BICDL1: variants seen among roughly 807,000 people sequenced by gnomAD.
BICDL1 encodes BICD family-like cargo adapter 1.
In BICDL1, 20 loss-of-function variants were observed where a neutral mutation model predicts 76.8. The observed-to-expected ratio is 0.26, with a 90% CI of 0.18 to 0.38. The LOEUF is 0.38. Ranked by LOEUF, BICDL1 falls within the 10% of genes least tolerant of loss-of-function variation. The pLI is 1.00. For synonymous variants in BICDL1, 383 were observed against 337.1 expected, an observed-to-expected ratio of 1.14 and a Z score of -1.49; for missense variants, 700 against 798.6, an observed-to-expected ratio of 0.88 and a Z score of 1.49.
intron 1 of BICDL1, 43 bp downstream of exon 1, chr12:119,990,340 C>G (rs1184330093): frequency 1.9e-6 from 3 of 1,542,868 alleles, no homozygotes; most frequent in Admixed American, 4.1e-5. Flanking sequence ...CAGGGGCCGC[C>G]CAGGCACGCG....
At chr12:119,991,445 G>A (rs1951521496) in intron 1 of BICDL1, among the ~76,000 whole-genome samples, 1 of 152,198 alleles carries the variant, frequency 6.6e-6, no homozygotes, top group South Asian at 2.1e-4. Context: ...ACCTGTGAGT[G>A]CCCTGTAGTT....
intron 8 of BICDL1, among the ~76,000 whole-genome samples, chr12:120,083,820 T>G (rs1874187874): frequency 6.6e-6 from 1 of 151,698 alleles, no homozygotes. Context: ...CATGCTTGGC[T>G]AATTTTTCTG....
At chr12:120,070,001 C>G (rs1490992622) in intron 4 of BICDL1, among the ~76,000 whole-genome samples, 1 of 152,148 alleles carries the variant, frequency 6.6e-6, no homozygotes. Context: ...TTTCATTGCT[C>G]TATAGTATTC....
intron 7 of BICDL1, among the ~76,000 whole-genome samples, chr12:120,076,512 A>G (rs1397180555): frequency 6.6e-6 from 1 of 152,178 alleles, no homozygotes; most frequent in Non-Finnish European, 1.5e-5. Context: ...AACATAAGCA[A>G]ATTGTAGGTT....
chr12:120,065,259 T>C (rs1443017819), intron 4 of BICDL1, among the ~76,000 whole-genome samples: 2 of 152,242 alleles, frequency 1.3e-5, no homozygotes, highest in African/African-American at 4.8e-5. Flanking sequence ...TAATGCTCTC[T>C]GCTGCTGTCT....
At chr12:120,092,248 A>G in intron 9 of BICDL1, 1 of 985,440 alleles carries the variant, frequency 1.0e-6, no homozygotes, top group Non-Finnish European at 1.2e-6. Flanking sequence ...GCTGTTCTGT[A>G]AAACATGGTG....
At chr12:120,041,083 T>C (rs1469855716) in intron 2 of BICDL1, among the ~76,000 whole-genome samples, 1 of 152,184 alleles carries the variant, frequency 6.6e-6, no homozygotes, top group Non-Finnish European at 1.5e-5. Context: ...CTTGCCATGA[T>C]TTTTTTCTGT....
intron 2 of BICDL1, among the ~76,000 whole-genome samples, chr12:119,999,254 C>G (rs867391467): frequency 2.2e-4 from 33 of 152,222 alleles, no homozygotes; most frequent in South Asian, 4.1e-4. Context: ...AAGCCACAGA[C>G]TTTGACAATC....
At chr12:120,049,369 A>G (rs1952810053) in intron 2 of BICDL1, among the ~76,000 whole-genome samples, 1 of 152,230 alleles carries the variant, frequency 6.6e-6, no homozygotes, top group Non-Finnish European at 1.5e-5. Flanking sequence ...GGAAGTACTA[A>G]AAGATTTCAG....
At chr12:120,077,439 G>T (rs1048404973) in intron 7 of BICDL1, among the ~76,000 whole-genome samples, 6 of 152,084 alleles carry the variant, frequency 3.9e-5, no homozygotes, top group Non-Finnish European at 8.8e-5. Context: ...GGATGCAGGG[G>T]GGTCTTCTGC....
intron 2 of BICDL1, chr12:120,057,223 C>T (rs1294558410): frequency 2.2e-6 from 1 of 444,904 alleles, no homozygotes. Flanking sequence ...CCATATTGTC[C>T]AGGCTGGTCT....
At chr12:120,083,750 C>G (rs914032111) in intron 8 of BICDL1, among the ~76,000 whole-genome samples, 1 of 151,978 alleles carries the variant, frequency 6.6e-6, no homozygotes, top group Non-Finnish European at 1.5e-5. Context: ...ACCCCCACCT[C>G]CCAGGTTCGA....
intron 8 of BICDL1, among the ~76,000 whole-genome samples, chr12:120,088,635 G>T (rs111936583): frequency 0.021 from 3,139 of 151,596 alleles, 111 homozygotes; most frequent in African/African-American, 0.072. Context: ...GGGATTACAG[G>T]CACGAGCCAC....
At chr12:120,030,575 G>A (rs1221449317) in intron 2 of BICDL1, among the ~76,000 whole-genome samples, 1 of 152,160 alleles carries the variant, frequency 6.6e-6, no homozygotes, top group Non-Finnish European at 1.5e-5. Flanking sequence ...TTACAAAAGA[G>A]GAACCTCAAA....
chr12:120,074,289 C>T (rs1436822441), intron 6 of BICDL1, among the ~76,000 whole-genome samples, 154 bp from the exon 7 acceptor site: 1 of 152,016 alleles, frequency 6.6e-6, no homozygotes, highest in Non-Finnish European at 1.5e-5. Flanking sequence ...TTCATCTTCC[C>T]TACTATCTTT....
intron 8 of BICDL1, among the ~76,000 whole-genome samples, chr12:120,083,457 T>A (rs2138995520): frequency 6.6e-6 from 1 of 151,710 alleles, no homozygotes; most frequent in East Asian, 1.9e-4. Context: ...GAGACGAGGT[T>A]TTGTCCTGTT....
intron 2 of BICDL1, among the ~76,000 whole-genome samples, chr12:120,051,691 A>G (rs183516308): frequency 3.8e-4 from 58 of 152,292 alleles, no homozygotes; most frequent in Non-Finnish European, 7.2e-4. Context: ...TGGATTCTCA[A>G]ATACCCTTCA....
intron 2 of BICDL1, among the ~76,000 whole-genome samples, chr12:120,045,825 C>T (rs1488027374): frequency 6.6e-6 from 1 of 150,640 alleles, no homozygotes; most frequent in East Asian, 2.0e-4. Context: ...TGCTAGATGA[C>T]GAGTTAGTGG....
chr12:120,071,870 G>C lies in BICDL1; in HGVS notation c.1089+69G>C. On this transcript the variant is annotated intron_variant, in intron 5 of 9. Transcript: ENST00000548673. This position sits in a 1 kb window ranked among gnomAD's most constrained non-coding sequence, Gnocchi z 4.8. Reference sequence around the variant, plus strand: ...TGCTTAGGTCTCATCCTCCTCCCTAGTGCTCAGCTGCCATCCTGGCAAGGC... The same window carrying C: ...TGCTTAGGTCTCATCCTCCTCCCTACTGCTCAGCTGCCATCCTGGCAAGGC... 6.9e-7 allele frequency: 1 copy of C among 1,451,334 alleles called. No homozygotes were observed. Among genetic ancestry groups the C allele is most frequent in the South Asian group, 1.5e-5 (1 of 67,918 alleles). 89.9% of individuals were successfully genotyped at this position (1,451,334 alleles called of 1,614,324 possible). A position where few individuals can be genotyped will look rare whatever the true frequency, so the allele number is the denominator to read the frequency against.
Sources: gnomAD v4.1 joint callset for allele counts (sites outside exome capture counted in the v4.1 genomes callset) on GRCh38, gnomAD v4.1.1 for gene constraint, Gnocchi (gnomAD v3.1) non-coding constraint, MANE v1.5 for transcripts, NCBI Gene and HGNC (gene_info 2026-07-23, HGNC 2026-07-21) for gene names.